Variants in GSE1 observed in about 807,000 individuals in gnomAD.
GSE1 encodes genetic suppressor element 1.
A neutral mutation model predicts 112.6 loss-of-function variants in GSE1; 32 were observed. That is an observed-to-expected ratio of 0.28 (90% CI 0.21 to 0.38). GSE1 has a LOEUF of 0.38. Ranked by LOEUF, GSE1 falls within the 10% of genes least tolerant of loss-of-function variation. GSE1 has a pLI of 1.00. For synonymous variants in GSE1, 1,115 were observed against 735.6 expected (o/e 1.52, Z -8.35); for missense variants, 2,348 against 1,699.2 (o/e 1.38, Z -6.71).
At chr16:85,453,898 T>C (rs943496116) in intron 2 of GSE1, among the ~76,000 whole-genome samples, 12 of 152,158 alleles carry the variant, frequency 7.9e-5, no homozygotes, top group Non-Finnish European at 1.5e-4. Flanking sequence ...AAGGGCTGGA[T>C]GAGCTCCTCC....
intron 2 of GSE1, among the ~76,000 whole-genome samples, chr16:85,380,849 T>G (rs1195011774): frequency 6.6e-6 from 1 of 152,192 alleles, no homozygotes; most frequent in Non-Finnish European, 1.5e-5. Context: ...CCCTGGTCTT[T>G]GCATTTTCTT....
At chr16:85,538,158 C>G (rs1324706152) in intron 2 of GSE1, among the ~76,000 whole-genome samples, 1 of 152,240 alleles carries the variant, frequency 6.6e-6, no homozygotes, top group Non-Finnish European at 1.5e-5. Context: ...GCTGGCCGTT[C>G]TGAGCCGTTG....
At chr16:85,169,538 C>T in exon 1 of GSE1, 1 of 946,018 alleles carries the variant, frequency 1.1e-6, no homozygotes, top group Non-Finnish European at 1.3e-6. Context: ...AGCGGGCGGC[C>T]GGCCCCGGTC....
chr16:85,559,905 C>T (rs1598181294), intron 1 of GSE1, among the ~76,000 whole-genome samples: 1 of 152,090 alleles, frequency 6.6e-6, no homozygotes, highest in African/African-American at 2.4e-5. Context: ...ACTGGCCACG[C>T]CTAAAATCTT....
chr16:85,359,900 G>A (rs1347762363), intron 2 of GSE1, among the ~76,000 whole-genome samples: 1 of 152,162 alleles, frequency 6.6e-6, no homozygotes, highest in African/African-American at 2.4e-5. Context: ...CGGGCATGGT[G>A]GCACGCACCT....
At chr16:85,181,985 C>G (rs1482780629) in intron 1 of GSE1, among the ~76,000 whole-genome samples, 1 of 152,220 alleles carries the variant, frequency 6.6e-6, no homozygotes, top group African/African-American at 2.4e-5. Context: ...GTACACTGTT[C>G]TTTCTCTTGT....
intron 1 of GSE1, among the ~76,000 whole-genome samples, chr16:85,596,781 A>G (rs902779810): frequency 5.3e-5 from 8 of 152,084 alleles, no homozygotes; most frequent in African/African-American, 1.9e-4. Context: ...CACAGCTGTA[A>G]TCCCAGCACT....
At chr16:85,385,812 G>A (rs879756439) in intron 2 of GSE1, among the ~76,000 whole-genome samples, 1 of 152,198 alleles carries the variant, frequency 6.6e-6, no homozygotes, top group African/African-American at 2.4e-5. Context: ...GGGGAGGGGA[G>A]CCATTAAGAA....
chr16:85,548,612 G>A (rs374939109), intron 2 of GSE1, among the ~76,000 whole-genome samples: 9 of 152,162 alleles, frequency 5.9e-5, no homozygotes, highest in East Asian at 3.8e-4. Context: ...ATTCCATTGC[G>A]TGTAGGTACC....
chr16:85,658,577 C>T lies in GSE1; in HGVS notation c.1640+973C>T, dbSNP rs187924977. ...CAGTAGGGCAGCGAGGGAATGCGCC[C>T]CCGCTGATCAGGGATGACTGGGAGT... is the stretch of plus-strand genomic sequence containing the variant. On this transcript the variant is annotated intron_variant, in intron 8 of 15. Coordinates refer to ENST00000253458, the MANE Select transcript of GSE1 (RefSeq NM_014615.5). Among the ~76,000 whole-genome samples, 706 of 152,330 alleles carry T rather than the reference C, an allele frequency of 4.6e-3. 2 individuals are homozygous for T. Among genetic ancestry groups the T allele is most frequent in the African/African-American group, 0.016 (685 of 41,564 alleles).
chr16:85,270,118 A>C (rs1908683642), intron 1 of GSE1, among the ~76,000 whole-genome samples: 1 of 148,072 alleles, frequency 6.8e-6, no homozygotes, highest in Admixed American at 6.7e-5. Flanking sequence ...GCGTGGCTTC[A>C]CTCCTCTGGG....
intron 2 of GSE1, among the ~76,000 whole-genome samples, chr16:85,452,139 G>T (rs554778504): frequency 1.4e-4 from 22 of 152,324 alleles, no homozygotes; most frequent in Non-Finnish European, 2.6e-4. Context: ...TTAATGAAAC[G>T]AATGGGAGTG....
At chr16:85,428,751 A>C (rs931642904) in intron 2 of GSE1, among the ~76,000 whole-genome samples, 1 of 150,680 alleles carries the variant, frequency 6.6e-6, no homozygotes, top group East Asian at 2.0e-4. Flanking sequence ...TTCACCTCCC[A>C]CCCCCCATTC....
At chr16:85,643,984 G>T (rs923617846) in intron 2 of GSE1, among the ~76,000 whole-genome samples, 3 of 152,102 alleles carry the variant, frequency 2.0e-5, no homozygotes, top group African/African-American at 7.2e-5. Context: ...CTGGAATCTA[G>T]ATGGGAACAC....
In GSE1 at chr16:85,655,782, C is replaced by G; in HGVS notation, c.854C>G (p.Thr285Ser). The stretch of plus-strand genomic sequence containing the variant: ...AGGTCCCCGTTCTACCCCATCCCCA[C>G]CCCCGGCTCCCTGCCCCCACTGCAC... ...ALRSPFYPIP[T>S]PGSLPPLHPS... is the part of the protein sequence containing the mutation. Residue 285 changes from threonine to serine, a missense_variant, in exon 6 of 16, where the codon ACC (threonine) becomes AGC (serine). Thr to Ser is a moderately conservative substitution (Grantham distance 58). Coordinates refer to ENST00000253458, the MANE Select transcript of GSE1 (RefSeq NM_014615.5). 1.9e-6 allele frequency: 3 copies of G among 1,607,366 alleles called. No homozygotes were observed. The highest frequency in any genetic ancestry group is 2.6e-6 in the Non-Finnish European group (3 of 1,175,900).
At chr16:85,205,227 G>A (rs1164573339) in intron 1 of GSE1, among the ~76,000 whole-genome samples, 1 of 152,112 alleles carries the variant, frequency 6.6e-6, no homozygotes, top group Non-Finnish European at 1.5e-5. Context: ...CCTCCTGGGG[G>A]TTCAAGCTGT....
At chr16:85,588,618 CTG>C (rs1308638905) in intron 1 of GSE1, among the ~76,000 whole-genome samples, 1 of 152,268 alleles carries the variant, frequency 6.6e-6, no homozygotes, top group Non-Finnish European at 1.5e-5. Flanking sequence ...TAGGCCCTGT[CTG>C]TGACCTTTGC....
intron 2 of GSE1, among the ~76,000 whole-genome samples, chr16:85,435,169 G>A (rs370102442): frequency 1.1e-4 from 17 of 152,350 alleles, no homozygotes; most frequent in South Asian, 4.1e-4. Flanking sequence ...AGGCTGAGAT[G>A]TGGCAGCAGG....
In GSE1 at chr16:85,634,072, C is replaced by T. The variant is rs2049780942; in HGVS notation, c.166C>T (p.Pro56Ser). ...TSSALSAQAA[P>S]SSSFAAALRK... is the part of the protein sequence containing the mutation. Reference sequence around the variant, plus strand: ...CAGCGCGCTGTCGGCCCAGGCCGCGCCATCCTCCAGCTTTGCCGCCGCGCT... The same window carrying T: ...CAGCGCGCTGTCGGCCCAGGCCGCGTCATCCTCCAGCTTTGCCGCCGCGCT... The change falls in exon 2 of 16, where the codon CCA (proline) becomes TCA (serine). Residue 56 changes from proline to serine, a missense_variant. Physicochemically the swap from Pro to Ser is moderately conservative, Grantham distance 74 (BLOSUM62 -1). Coordinates refer to ENST00000253458, the MANE Select transcript of GSE1 (RefSeq NM_014615.5). The T allele has an allele frequency of 6.2e-7, 1 of 1,604,772 alleles. No individual in the cohort carries two copies. Among genetic ancestry groups the T allele is most frequent in the African/African-American group, 1.3e-5 (1 of 74,606 alleles).
Sources: gnomAD v4.1 joint callset for allele counts (sites outside exome capture counted in the v4.1 genomes callset) on GRCh38, gnomAD v4.1.1 for gene constraint, MANE v1.5 for transcripts, NCBI Gene and HGNC (gene_info 2026-07-23, HGNC 2026-07-21) for gene names.